The following ATE1 variants were observed in gnomAD, a reference collection of about 807,000 sequenced individuals.
ATE1 encodes the protein arginyl-tRNA--protein transferase 1.
A neutral mutation model predicts 70.5 loss-of-function variants in ATE1; 36 were observed. That is an observed-to-expected ratio of 0.51 (90% CI 0.39 to 0.67). The LOEUF is 0.67. ATE1 is among the 30% of genes least tolerant of loss of function. ATE1 has a pLI of 0.00. For synonymous variants in ATE1, 232 were observed against 219.3 expected (o/e 1.06, Z -0.51); for missense variants, 593 against 629.5 (o/e 0.94, Z 0.62).
At chr10:121,804,925 A>T (rs145852170) in intron 10 of ATE1, among the ~76,000 whole-genome samples, 1 of 152,198 alleles carries the variant, frequency 6.6e-6, no homozygotes, top group Admixed American at 6.6e-5. Flanking sequence ...CTTCACAGAG[A>T]CTATTTATTA....
chr10:121,927,737 G>A (rs1952157322), intron 1 of ATE1, 107 bp downstream of exon 1: 2 of 1,368,382 alleles, frequency 1.5e-6, no homozygotes, highest in Non-Finnish European at 1.9e-6. Flanking sequence ...TCTCGGCCGT[G>A]GCACTGGGGC....
intron 10 of ATE1, among the ~76,000 whole-genome samples, chr10:121,830,428 C>A (rs1948192610): frequency 1.3e-5 from 2 of 152,148 alleles, no homozygotes; most frequent in South Asian, 4.1e-4. Context: ...TTCTCCACCC[C>A]ACTGTGACAC....
At chr10:121,768,813 C>T (rs1057103792) in intron 11 of ATE1, among the ~76,000 whole-genome samples, 6 of 151,984 alleles carry the variant, frequency 3.9e-5, no homozygotes, top group Non-Finnish European at 5.9e-5. Context: ...TCTGTGATTC[C>T]TAAATAAATG....
intron 11 of ATE1, among the ~76,000 whole-genome samples, chr10:121,751,652 G>C (rs960693833): frequency 1.3e-5 from 2 of 151,922 alleles, no homozygotes; most frequent in East Asian, 3.9e-4. Flanking sequence ...ATTGTTAATT[G>C]GGTTGTCTTT....
At chr10:121,927,795 C>T in intron 1 of ATE1, 49 bp downstream of exon 1, 2 of 1,517,908 alleles carry the variant, frequency 1.3e-6, no homozygotes, top group Non-Finnish European at 1.8e-6. Flanking sequence ...CCTGGGATCC[C>T]GAGACCCGGG....
intron 7 of ATE1, among the ~76,000 whole-genome samples, chr10:121,887,270 GACCTTT>G (rs1950433718): frequency 6.6e-6 from 1 of 152,146 alleles, no homozygotes; most frequent in East Asian, 1.9e-4. Context: ...GACTCATCAC[GACCTTT>G]CCTTTCCACA....
chr10:121,925,714 A>C (rs995537544), intron 1 of ATE1, among the ~76,000 whole-genome samples: 5 of 151,708 alleles, frequency 3.3e-5, no homozygotes, highest in Admixed American at 6.6e-5. Context: ...TTTTCACAAA[A>C]AAAAAATAAT....
intron 10 of ATE1, among the ~76,000 whole-genome samples, chr10:121,819,956 G>A (rs1160115245): frequency 1.3e-5 from 2 of 151,990 alleles, no homozygotes. Context: ...GACCAGCCTG[G>A]CCAACATGGT....
chr10:121,845,411 A>G (rs2133821353), intron 8 of ATE1, among the ~76,000 whole-genome samples: 1 of 152,340 alleles, frequency 6.6e-6, no homozygotes. Flanking sequence ...AAATTTTTAA[A>G]AAATCATTTA....
chr10:121,744,818 T>A (rs1944284747), intron 11 of ATE1, among the ~76,000 whole-genome samples: 1 of 152,228 alleles, frequency 6.6e-6, no homozygotes, highest in South Asian at 2.1e-4. Context: ...TGTGGGCTCA[T>A]GACCAAGTTC....
chr10:121,838,704 C>A (rs1948519917), intron 9 of ATE1, among the ~76,000 whole-genome samples: 1 of 152,074 alleles, frequency 6.6e-6, no homozygotes, highest in Non-Finnish European at 1.5e-5. Flanking sequence ...AAACCAGAAA[C>A]CTGTCTTATT....
At chr10:121,842,347 C>G (rs1474141757) in intron 8 of ATE1, among the ~76,000 whole-genome samples, 3 of 152,022 alleles carry the variant, frequency 2.0e-5, no homozygotes, top group Non-Finnish European at 2.9e-5. Context: ...CATAAAACAG[C>G]CTTTCCTGGA....
At chr10:121,790,000 G>C (rs1057470581) in intron 11 of ATE1, among the ~76,000 whole-genome samples, 169 bp downstream of exon 11, 1 of 148,560 alleles carries the variant, frequency 6.7e-6, no homozygotes, top group Non-Finnish European at 1.5e-5. Flanking sequence ...GCGTGAGTTT[G>C]TGTGCATGTG....
At chr10:121,747,292 G>A (rs1342388954) in intron 11 of ATE1, among the ~76,000 whole-genome samples, 3 of 152,206 alleles carry the variant, frequency 2.0e-5, no homozygotes, top group East Asian at 1.9e-4. Flanking sequence ...TTTCATCTGC[G>A]CCTGCTTGCC....
intron 10 of ATE1, among the ~76,000 whole-genome samples, chr10:121,822,058 C>G (rs1947819698): frequency 6.6e-6 from 1 of 152,150 alleles, no homozygotes; most frequent in Non-Finnish European, 1.5e-5. Context: ...CTCTATTCAT[C>G]AGGAATGCAT....
At chr10:121,783,725 G>A (rs1314104216) in intron 11 of ATE1, among the ~76,000 whole-genome samples, 2 of 152,024 alleles carry the variant, frequency 1.3e-5, no homozygotes, top group Non-Finnish European at 2.9e-5. Context: ...AAATGAAGCA[G>A]CACTCTAAGA....
intron 5 of ATE1, among the ~76,000 whole-genome samples, chr10:121,908,993 T>C (rs1385326799): frequency 6.6e-6 from 1 of 152,202 alleles, no homozygotes; most frequent in Non-Finnish European, 1.5e-5. Flanking sequence ...AAAGAGATTG[T>C]TGTTGTTGTT....
At chr10:121,803,782 G>C (rs1371773531) in intron 10 of ATE1, among the ~76,000 whole-genome samples, 1 of 152,136 alleles carries the variant, frequency 6.6e-6, no homozygotes, top group African/African-American at 2.4e-5. Context: ...TAATCATAAA[G>C]GTCTGTTTAA....
chr10:121,848,393 G>A (rs186411429), intron 8 of ATE1, among the ~76,000 whole-genome samples: 4 of 151,892 alleles, frequency 2.6e-5, no homozygotes, highest in Admixed American at 6.6e-5. Flanking sequence ...GAGGCAGGCC[G>A]ATCATTTGAG....
Sources: allele counts gnomAD v4.1 joint callset (sites outside exome capture counted in the v4.1 genomes callset), GRCh38; gene constraint gnomAD v4.1.1; transcripts MANE v1.5; gene names NCBI Gene and HGNC (gene_info 2026-07-23, HGNC 2026-07-21).